Variants in CCDC42 observed in about 807,000 individuals in gnomAD.
The protein encoded by CCDC42 is coiled-coil domain containing 42, also known as coiled-coil domain-containing protein 42.
CCDC42 carries 38 observed loss-of-function variants against 40.8 expected under a neutral mutation model. That is an observed-to-expected ratio of 0.93 (90% CI 0.72 to 1.22). CCDC42 has a LOEUF of 1.22. CCDC42 is among the 50% of genes most tolerant of loss of function. The pLI is 0.00. For missense variants in CCDC42, 379 were observed against 416.5 expected (o/e 0.91, Z 0.78); for synonymous variants, 135 against 157.5 (o/e 0.86, Z 1.07).
At chr17:8,730,255 C>A in intron 6 of CCDC42, 48 bp from the exon 7 acceptor site, 1 of 1,402,426 alleles carries the variant, frequency 7.1e-7, no homozygotes, top group Non-Finnish European at 1.0e-6. Flanking sequence ...CAGAGGCCTC[C>A]CCTGTCCCAA....
intron 4 of CCDC42, 33 bp downstream of exon 4, chr17:8,741,441 G>T: frequency 6.3e-7 from 1 of 1,599,702 alleles, no homozygotes; most frequent in Non-Finnish European, 8.6e-7. Flanking sequence ...TGAGGAAGGT[G>T]CCAGGGCCGG....
chr17:8,743,561 T>C (rs1869358336), intron 3 of CCDC42, 65 bp downstream of exon 3: 3 of 891,574 alleles, frequency 3.4e-6, no homozygotes, highest in South Asian at 2.6e-5. Context: ...GGAGGAGGAG[T>C]GCAGTTTGCC....
intron 4 of CCDC42, among the ~76,000 whole-genome samples, chr17:8,740,099 G>C (rs1236047290): frequency 4.5e-4 from 69 of 152,208 alleles, no homozygotes; most frequent in Non-Finnish European, 4.6e-4. Flanking sequence ...CCCTGGAGGA[G>C]GTGCCTCCAT....
chr17:8,732,879 T>A (rs2086589590), intron 6 of CCDC42, among the ~76,000 whole-genome samples: 1 of 152,168 alleles, frequency 6.6e-6, no homozygotes, highest in Non-Finnish European at 1.5e-5. Flanking sequence ...TCGAAGGAAT[T>A]CAAATTGACT....
rs201964556 is a variant in CCDC42, at chr17:8,730,108, A to G, written c.*22T>C. ...TCTTTCACGATCTCTGTCTCAGGACATTCTGGAACAAGGCTGCCTCCTTAA... is the reference window on the plus strand; with the variant it reads ...TCTTTCACGATCTCTGTCTCAGGACGTTCTGGAACAAGGCTGCCTCCTTAA... On this transcript the variant is annotated 3_prime_UTR_variant, in exon 7 of 7. Transcript: ENST00000293845. 4 of 1,611,008 alleles carry G rather than the reference A, an allele frequency of 2.5e-6. No homozygotes were observed. The highest frequency in any genetic ancestry group is 2.7e-5 in the African/African-American group (2 of 74,998).
intron 2 of CCDC42, 50 bp downstream of exon 2, chr17:8,744,029 C>G: frequency 7.3e-7 from 1 of 1,368,318 alleles, no homozygotes; most frequent in Non-Finnish European, 1.0e-6. Flanking sequence ...AGAGCCCCAG[C>G]CCACCCCCTT....
intron 4 of CCDC42, among the ~76,000 whole-genome samples, chr17:8,738,715 C>T (rs1054724778): frequency 2.0e-5 from 3 of 152,138 alleles, no homozygotes; most frequent in Non-Finnish European, 4.4e-5. Context: ...CTGCCCACCT[C>T]GGCCTCCCCA....
chr17:8,732,545 T>C (rs1324945039), intron 6 of CCDC42, among the ~76,000 whole-genome samples: 6 of 152,232 alleles, frequency 3.9e-5, no homozygotes, highest in South Asian at 2.1e-4. Flanking sequence ...TTTCCCAAGA[T>C]GACAGAGAAG....
chr17:8,744,304 G>C, intron 1 of CCDC42, 120 bp from the exon 2 acceptor site: 1 of 790,886 alleles, frequency 1.3e-6, no homozygotes, highest in Non-Finnish European at 2.1e-6. Context: ...CCCTTTCCGA[G>C]GGAAAGGGCT....
Position 8,741,673 on chromosome 17 carries a change from T to C in CCDC42, c.295-2A>G, listed in dbSNP as rs760951230. 30 of 1,611,676 alleles carry C rather than the reference T, an allele frequency of 1.9e-5. No homozygotes were observed. Among genetic ancestry groups the C allele is most frequent in the Non-Finnish European group, 2.5e-5 (29 of 1,179,626 alleles). On this transcript the variant is annotated splice_acceptor_variant, in intron 3 of 6. Coordinates refer to ENST00000293845, the MANE Select transcript of CCDC42 (RefSeq NM_144681.3). LOFTEE classifies it high-confidence loss of function. ...GCGGATCCGTTTCTGGTCGTTCTCC[T>C]GGGGCCCGGGGAGGTGGCGCTGGTC...
intron 4 of CCDC42, among the ~76,000 whole-genome samples, chr17:8,739,800 C>T (rs907182672): frequency 2.6e-5 from 4 of 152,182 alleles, no homozygotes; most frequent in African/African-American, 9.7e-5. Context: ...ACCTCGGCCT[C>T]CCAAAGTGCT....
At position 8,735,243 on chromosome 17, in the gene CCDC42, C is replaced by T; in HGVS notation, c.726G>A (p.Trp242Ter). Residue 242 changes from tryptophan (W) to a stop codon, truncating the protein, a stop_gained, in exon 6 of 7, where the codon TGG (tryptophan) becomes TGA (stop). Transcript: ENST00000293845. LOFTEE classifies it high-confidence loss of function. The surrounding 1 kb of genome is among the most constrained non-coding windows in gnomAD (Gnocchi z 4.7). Reference protein sequence around the residue: ...RSNVIFWESRWAHIQNTAAKK... With the variant: ...RSNVIFWESR ...TGGCTGCGGTGTTCTGGATGTGCGC[C>T]CAGCGAGATTCCTGGAGAGTGGATA... 1 of 1,614,118 alleles carries T rather than the reference C, an allele frequency of 6.2e-7. No individual in the cohort carries two copies. Among genetic ancestry groups the T allele is most frequent in the Non-Finnish European group, 8.5e-7 (1 of 1,180,010 alleles).
rs572367091 is a variant in CCDC42 at position 8,730,720 on chromosome 17, A to G, written c.874-513T>C. Among the ~76,000 whole-genome samples the G allele has an allele frequency of 1.7e-4, 26 of 152,260 alleles. No homozygotes were observed. The East Asian group carries it at 5.0e-3, about 29-fold the overall frequency. ...AATTGAGTGTTGGGTGTAGCCGATG[A>G]GAAGCAACAAAACAGGGATGGAGTT... On this transcript the variant is annotated intron_variant, in intron 6 of 6. Coordinates refer to ENST00000293845, the MANE Select transcript of CCDC42 (RefSeq NM_144681.3).
In CCDC42 at chr17:8,735,719, C is replaced by A; in HGVS notation, c.493-108G>T. ...ATGCCTGGACACCTGGACACCTGGG[C>A]AGGCAGGCCCTTGGCCAGGGTCACG... On this transcript the variant is annotated intron_variant, in intron 4 of 6. Coordinates refer to ENST00000293845, the MANE Select transcript of CCDC42 (RefSeq NM_144681.3). This position sits in a 1 kb window ranked among gnomAD's most constrained non-coding sequence, Gnocchi z 4.7. The A allele has an allele frequency of 1.2e-5, 11 of 899,966 alleles. No homozygotes were observed. Among genetic ancestry groups the A allele is most frequent in the Non-Finnish European group, 1.8e-5 (11 of 599,912 alleles). The allele number at this position is 899,966 out of a possible 1,614,324, so 55.7% of individuals were successfully genotyped here.
rs778335502 is a variant in CCDC42 at position 8,741,503 on chromosome 17, A to G, written c.463T>C (p.Tyr155His). Reference sequence around the variant, plus strand: ...GAGTTCTCCACCACCTTCTCTAGGTACTTGTTGAAGATGTAGTAGTCCTTC... The same window carrying G: ...GAGTTCTCCACCACCTTCTCTAGGTGCTTGTTGAAGATGTAGTAGTCCTTC... ...KLKDYYIFNKYLEKVVENSEF... is the reference protein window; with the variant it reads ...KLKDYYIFNKHLEKVVENSEF... Residue 155 changes from tyrosine (Y) to histidine (H), a missense_variant, in exon 4 of 7, where the codon TAC becomes CAC. Transcript: ENST00000293845. 1 of 1,614,178 alleles carries G rather than the reference A, an allele frequency of 6.2e-7. No individual in the cohort carries two copies. The highest frequency in any genetic ancestry group is 1.7e-5 in the Admixed American group (1 of 60,036).
chr17:8,741,807 G>A (rs1377391003), intron 3 of CCDC42, 136 bp from the exon 4 acceptor site: 2 of 795,846 alleles, frequency 2.5e-6, no homozygotes, highest in East Asian at 5.3e-5. Context: ...AGATTGCTGG[G>A]CCACCCATGG....
chr17:8,741,827 G>T (rs1402808666), intron 3 of CCDC42, among the ~76,000 whole-genome samples, 156 bp from the exon 4 acceptor site: 1 of 152,220 alleles, frequency 6.6e-6, no homozygotes, highest in South Asian at 2.1e-4. Context: ...GGGCAGAAGA[G>T]GGGTGAAGGA....
At position 8,741,627 on chromosome 17, in the gene CCDC42, C is replaced by T; in HGVS notation, c.339G>A (p.Lys113=). The T allele has an allele frequency of 6.2e-7, 1 of 1,613,994 alleles. No individual in the cohort carries two copies. The highest frequency in any genetic ancestry group is 8.5e-7 in the Non-Finnish European group (1 of 1,180,028). Residue 113 remains lysine (K), a synonymous_variant, in exon 4 of 7, where the codon AAG becomes AAA. Transcript: ENST00000293845. ...KRIRAMKKAN[K]ERELKCQHMQ... The stretch of plus-strand genomic sequence containing the variant: ...TGTGCTGGCACTTGAGTTCTCGCTC[C>T]TTGTTGGCTTTCTTCATGGCGCGGA...
intron 4 of CCDC42, among the ~76,000 whole-genome samples, chr17:8,739,564 C>CG (rs1291485136): frequency 1.3e-5 from 2 of 152,080 alleles, no homozygotes; most frequent in African/African-American, 4.8e-5. Flanking sequence ...GTTTTTGAGA[C>CG]GGAGTTTCGC....
Sources: gnomAD v4.1 joint callset for allele counts (sites outside exome capture counted in the v4.1 genomes callset) on GRCh38, gnomAD v4.1.1 for gene constraint, Gnocchi (gnomAD v3.1) non-coding constraint, MANE v1.5 for transcripts, NCBI Gene and HGNC (gene_info 2026-07-23, HGNC 2026-07-21) for gene names.